HS6ST2: variants seen among roughly 807,000 people sequenced by gnomAD.
The protein encoded by HS6ST2 is heparan sulfate 6-O-sulfotransferase 2.
In HS6ST2, 17 loss-of-function variants were observed where a neutral mutation model predicts 33.0. The observed-to-expected ratio is 0.52, with a 90% CI of 0.35 to 0.77. The LOEUF is 0.77. HS6ST2 is among the 30% of genes least tolerant of loss of function. The probability of loss-of-function intolerance (pLI) is 0.01; values close to 1 mark genes in which losing one functional copy is unlikely to be tolerated. For missense variants in HS6ST2, 519 were observed against 551.7 expected, an observed-to-expected ratio of 0.94 and a Z score of 0.59; for synonymous variants, 248 against 237.1, an observed-to-expected ratio of 1.05 and a Z score of -0.42.
intron 3 of HS6ST2, among the ~76,000 whole-genome samples, chrX:132,707,704 C>T (rs1278542112): frequency 8.9e-6 from 1 of 112,031 alleles, no homozygotes; most frequent in Admixed American, 9.4e-5. Context: ...GCATCATGAC[C>T]TTAGAAAACA....
chrX:132,673,053 A>C (rs190731303), intron 3 of HS6ST2, among the ~76,000 whole-genome samples: 242 of 112,369 alleles, frequency 2.2e-3, no homozygotes, highest in Non-Finnish European at 2.7e-3. Context: ...GTGCTGATAC[A>C]ACTACAATAG....
chrX:132,917,382 T>C (rs5933235), intron 2 of HS6ST2, among the ~76,000 whole-genome samples: 38,712 of 110,165 alleles, frequency 0.35, 6,054 homozygotes, highest in Middle Eastern at 0.5. Flanking sequence ...GCGGATCACT[T>C]GAGGCCAGGA....
At chrX:132,947,389 C>T (rs769400178) in intron 2 of HS6ST2, among the ~76,000 whole-genome samples, 1 of 110,335 alleles carries the variant, frequency 9.1e-6, no homozygotes, top group South Asian at 3.9e-4. Context: ...GAAAAAAAAT[C>T]AGATTTTATA....
chrX:132,774,523 C>T (rs1276791606), intron 2 of HS6ST2, among the ~76,000 whole-genome samples: 1 of 111,433 alleles, frequency 9.0e-6, no homozygotes, highest in Non-Finnish European at 1.9e-5. Flanking sequence ...AAGGCATGGA[C>T]GACTGAAGTT....
At chrX:132,860,256 T>C (rs1391959142) in intron 2 of HS6ST2, among the ~76,000 whole-genome samples, 1 of 111,904 alleles carries the variant, frequency 8.9e-6, no homozygotes, top group Non-Finnish European at 1.9e-5. Flanking sequence ...CTGTAGTTGA[T>C]TGGTTTTATG....
At chrX:132,637,996 T>C (rs1423315071) in intron 4 of HS6ST2, among the ~76,000 whole-genome samples, 3 of 87,590 alleles carry the variant, frequency 3.4e-5, no homozygotes, top group Non-Finnish European at 6.5e-5. Context: ...GTTCAGCCTT[T>C]GCACATCTTG....
chrX:132,706,999 C>T (rs773266088), intron 3 of HS6ST2, among the ~76,000 whole-genome samples: 3 of 112,093 alleles, frequency 2.7e-5, no homozygotes, highest in Non-Finnish European at 5.6e-5. Flanking sequence ...CTAATCAACA[C>T]CATAGTAAAA....
At chrX:132,825,893 A>G (rs2065513619) in intron 2 of HS6ST2, among the ~76,000 whole-genome samples, 1 of 112,032 alleles carries the variant, frequency 8.9e-6, no homozygotes, top group Non-Finnish European at 1.9e-5. Context: ...ATGCTTCTGT[A>G]GATGTGTTCA....
intron 2 of HS6ST2, among the ~76,000 whole-genome samples, chrX:132,758,901 T>C (rs936063520): frequency 9.0e-6 from 1 of 111,449 alleles, no homozygotes; most frequent in African/African-American, 3.3e-5. Flanking sequence ...CACAGCCTGA[T>C]ATAGAAAGCC....
At chrX:132,926,418 T>C (rs1352540532) in intron 2 of HS6ST2, among the ~76,000 whole-genome samples, 1 of 111,841 alleles carries the variant, frequency 8.9e-6, no homozygotes, top group African/African-American at 3.3e-5. Context: ...CTCACCATTC[T>C]GCATGGCCTT....
At chrX:132,865,865 G>C (rs1367447653) in intron 2 of HS6ST2, among the ~76,000 whole-genome samples, 1 of 111,411 alleles carries the variant, frequency 9.0e-6, no homozygotes, top group Non-Finnish European at 1.9e-5. Context: ...GTTCATTGTA[G>C]ATTCTGGATA....
At chrX:132,641,676 C>T (rs864538) in intron 4 of HS6ST2, among the ~76,000 whole-genome samples, 49,887 of 111,489 alleles carry the variant, frequency 0.45, 9,608 homozygotes, top group African/African-American at 0.76. Context: ...AAGATAAAAT[C>T]TGGTCTTTAT....
At chrX:132,928,528 G>A (rs940674816) in intron 2 of HS6ST2, among the ~76,000 whole-genome samples, 2 of 10,283 alleles carry the variant, frequency 1.9e-4, no homozygotes, top group African/African-American at 4.3e-4. Flanking sequence ...ACCTCCCACC[G>A]GGCCCCACCT....
At chrX:132,850,749 C>CACACACAT (rs60585086) in intron 2 of HS6ST2, among the ~76,000 whole-genome samples, 2 of 110,872 alleles carry the variant, frequency 1.8e-5, no homozygotes, top group African/African-American at 6.6e-5. Context: ...CACACACACA[C>CACACACAT]GCTCCCACAT....
At chrX:132,643,125 G>A (rs751605786) in intron 4 of HS6ST2, among the ~76,000 whole-genome samples, 3 of 112,330 alleles carry the variant, frequency 2.7e-5, no homozygotes, top group African/African-American at 9.7e-5. Context: ...ACAGCTATGC[G>A]TGTTGTAAAA....
In HS6ST2 at chrX:132,812,181, C is replaced by T. The variant is rs765233313; in HGVS notation, c.948-103687G>A. ...CAGCACTTTGAGAGGCCAAGGTGGG[C>T]AGATCACGAGGTCAGGAGTTCGAAA... On this transcript the variant is annotated intron_variant, in intron 2 of 4. Transcript: ENST00000370833. Among the ~76,000 whole-genome samples, 326 of 109,221 alleles carry T rather than the reference C, an allele frequency of 3.0e-3. 2 individuals carry two copies. Among genetic ancestry groups the T allele is most frequent in the African/African-American group, 0.01 (303 of 30,086 alleles). The allele number at this position is 109,221 out of a possible 115,157, so 94.8% of individuals were successfully genotyped here.
intron 2 of HS6ST2, among the ~76,000 whole-genome samples, chrX:132,839,265 AGT>A (rs1260282297): frequency 3.6e-5 from 3 of 84,444 alleles, no homozygotes; most frequent in Non-Finnish European, 4.6e-5. Flanking sequence ...CAGAAAATGT[AGT>A]GTGTGTATAT....
chrX:132,957,849 C>T (rs965796819), intron 1 of HS6ST2, among the ~76,000 whole-genome samples: 2 of 112,247 alleles, frequency 1.8e-5, no homozygotes, highest in African/African-American at 6.5e-5. Flanking sequence ...CCTCCTTTTG[C>T]CGGCGCCCGC....
At chrX:132,924,021 A>G (rs1386900679) in intron 2 of HS6ST2, among the ~76,000 whole-genome samples, 1 of 112,202 alleles carries the variant, frequency 8.9e-6, no homozygotes, top group Admixed American at 9.5e-5. Flanking sequence ...ATTTTTTACA[A>G]TAACTATTCC....
Sources: allele counts gnomAD v4.1 joint callset (sites outside exome capture counted in the v4.1 genomes callset), GRCh38; gene constraint gnomAD v4.1.1; transcripts MANE v1.5; gene names NCBI Gene and HGNC (gene_info 2026-07-23, HGNC 2026-07-21).